Variants in DOCK9 observed in about 807,000 individuals in gnomAD.
DOCK9 encodes dedicator of cytokinesis 9, also known as dedicator of cytokinesis protein 9.
Under a neutral mutation model 263.3 loss-of-function variants are expected in DOCK9, and 89 were observed. The observed-to-expected ratio is 0.34, with a 90% CI of 0.28 to 0.40. The LOEUF is 0.40. DOCK9 is among the 10% of genes least tolerant of loss of function. The pLI is 1.00. For missense variants in DOCK9, 2,140 were observed against 2,603.4 expected (o/e 0.82, Z 3.87); for synonymous variants, 976 against 973.1 (o/e 1.00, Z -0.06).
intron 1 of DOCK9, among the ~76,000 whole-genome samples, chr13:99,049,512 T>A (rs1382019077): frequency 2.0e-5 from 3 of 152,134 alleles, no homozygotes; most frequent in Admixed American, 2.0e-4. Context: ...AGGCTACTGA[T>A]GTAACAGCTG....
At chr13:99,053,560 A>C (rs1331728615) in intron 1 of DOCK9, among the ~76,000 whole-genome samples, 1 of 152,224 alleles carries the variant, frequency 6.6e-6, no homozygotes, top group Non-Finnish European at 1.5e-5. Flanking sequence ...ACCTGGTTTT[A>C]TTTAAAGCCA....
intron 1 of DOCK9, among the ~76,000 whole-genome samples, chr13:99,048,108 T>G (rs1030528266): frequency 6.6e-6 from 1 of 152,254 alleles, no homozygotes; most frequent in Non-Finnish European, 1.5e-5. Flanking sequence ...TGAGAACATA[T>G]TCCATTGTAT....
chr13:98,912,529 A>G (rs1008266967), intron 9 of DOCK9, among the ~76,000 whole-genome samples: 1 of 152,162 alleles, frequency 6.6e-6, no homozygotes, highest in African/African-American at 2.4e-5. Flanking sequence ...CATAGTTTAA[A>G]AATAGTTCCA....
At chr13:98,962,230 C>T (rs183732760) in intron 1 of DOCK9, among the ~76,000 whole-genome samples, 8 of 152,268 alleles carry the variant, frequency 5.3e-5, no homozygotes, top group African/African-American at 1.9e-4. Flanking sequence ...GGAGGTGTAT[C>T]TAGAGGTTCA....
intron 47 of DOCK9, chr13:98,808,774 T>C: frequency 2.5e-6 from 2 of 793,350 alleles, no homozygotes; most frequent in South Asian, 3.5e-5. Context: ...ATTTATACCA[T>C]TTAATAATGT....
At chr13:98,794,796 T>C (rs1056572255) in intron 52 of DOCK9, 48 bp from the exon 53 acceptor site, 4 of 1,602,248 alleles carry the variant, frequency 2.5e-6, no homozygotes, top group African/African-American at 1.3e-5. Context: ...AAGGTTACCA[T>C]ATGCAATGCC....
Position 98,809,277 on chromosome 13 carries a change from AGTTTTTTTTTT to A in DOCK9, c.5367+64_5367+74del, listed in dbSNP as rs766407577. 276 of 1,281,852 alleles carry A rather than the reference AGTTTTTTTTTT, an allele frequency of 2.2e-4. No individual in the cohort carries two copies. In the Middle Eastern group the frequency reaches 3.6e-3, roughly 17 times the overall value. 79.4% of individuals were successfully genotyped at this position (1,281,852 alleles called of 1,614,324 possible). A position where few individuals can be genotyped will look rare whatever the true frequency, so the allele number is the denominator to read the frequency against. On this transcript the variant is annotated intron_variant, in intron 47 of 52. Coordinates refer to ENST00000682017, the MANE Select transcript of DOCK9 (RefSeq NM_001366683.2). ...AATTTATAAGATATAACTTTATTAT[AGTTTTTTTTTT>A]GTTTTTGTTTTTGTTTTTTTTTAAA...
intron 48 of DOCK9, among the ~76,000 whole-genome samples, chr13:98,805,988 G>C (rs900724081): frequency 6.6e-6 from 1 of 152,136 alleles, no homozygotes; most frequent in Non-Finnish European, 1.5e-5. Context: ...TCGAACTCCC[G>C]ACCTCAGGTG....
intron 39 of DOCK9, among the ~76,000 whole-genome samples, chr13:98,836,156 C>A (rs1245010922): frequency 6.6e-6 from 1 of 152,150 alleles, no homozygotes; most frequent in Non-Finnish European, 1.5e-5. Flanking sequence ...TGCACTTGTG[C>A]CCCGTGTGCC....
intron 1 of DOCK9, among the ~76,000 whole-genome samples, chr13:99,003,696 ACT>A (rs776551348): frequency 8.6e-5 from 13 of 151,454 alleles, no homozygotes; most frequent in South Asian, 2.1e-4. Flanking sequence ...CTCATTTAAC[ACT>A]CTCTTAAATC....
chr13:98,815,257 T>C (rs1474761417), intron 45 of DOCK9, among the ~76,000 whole-genome samples: 1 of 152,128 alleles, frequency 6.6e-6, no homozygotes, highest in Non-Finnish European at 1.5e-5. Flanking sequence ...AGTGGTGTTG[T>C]GGGACTGCAG....
chr13:98,922,242 C>T, intron 5 of DOCK9, 96 bp from the exon 6 acceptor site: 1 of 843,964 alleles, frequency 1.2e-6, no homozygotes, highest in Non-Finnish European at 1.9e-6. Flanking sequence ...CCCTTTGTGC[C>T]AAGTTGTCCA....
chr13:98,819,188 G>T (rs907311022), intron 45 of DOCK9, among the ~76,000 whole-genome samples: 1 of 152,144 alleles, frequency 6.6e-6, no homozygotes, highest in Non-Finnish European at 1.5e-5. Context: ...TCTGGGTTTG[G>T]GGGGTAAGGA....
upstream of DOCK9, among the ~76,000 whole-genome samples, chr13:99,087,103 T>C (rs748259139): frequency 9.1e-4 from 132 of 144,308 alleles, no homozygotes; most frequent in Non-Finnish European, 1.5e-3. Context: ...AAGTAGCCTT[T>C]ATTTATGTGG....
rs1048311427 is a variant in DOCK9, at chr13:98,883,678, ACTTT to A, written c.2469+131_2469+134del. On this transcript the variant is annotated intron_variant, in intron 22 of 52. Coordinates refer to ENST00000682017, the MANE Select transcript of DOCK9 (RefSeq NM_001366683.2). ...GAATACATATAAGCACTTCAGTTGTACTTTCTTTCTTTAGAAAAAGATCTATAGA... is the reference window on the plus strand; with the variant it reads ...GAATACATATAAGCACTTCAGTTGTACTTTCTTTAGAAAAAGATCTATAGA... The A allele has an allele frequency of 1.7e-5, 10 of 574,722 alleles. No homozygotes were observed. In the East Asian group the frequency reaches 2.6e-4, roughly 15 times the overall value. 35.6% of individuals were successfully genotyped at this position (574,722 alleles called of 1,614,324 possible).
chr13:98,799,056 C>T (rs1594098339), intron 50 of DOCK9, among the ~76,000 whole-genome samples: 1 of 152,140 alleles, frequency 6.6e-6, no homozygotes, highest in Non-Finnish European at 1.5e-5. Context: ...CATAATCACT[C>T]ATGTTGCTGG....
chr13:99,010,266 C>G (rs140914999), intron 1 of DOCK9, among the ~76,000 whole-genome samples: 2 of 152,246 alleles, frequency 1.3e-5, no homozygotes, highest in Non-Finnish European at 2.9e-5. Context: ...AATTCTTCCA[C>G]AGCTACTTGA....
chr13:99,012,148 TGCCTC>T (rs1251959694), intron 1 of DOCK9, among the ~76,000 whole-genome samples: 1 of 152,180 alleles, frequency 6.6e-6, no homozygotes, highest in Non-Finnish European at 1.5e-5. Context: ...CATACTACAG[TGCCTC>T]TTGCCATTCC....
At chr13:99,045,323 T>C (rs893611493) in intron 1 of DOCK9, among the ~76,000 whole-genome samples, 1 of 152,142 alleles carries the variant, frequency 6.6e-6, no homozygotes, top group African/African-American at 2.4e-5. Flanking sequence ...CAATGAAATA[T>C]CATTCAGGCG....
Sources: allele counts gnomAD v4.1 joint callset (sites outside exome capture counted in the v4.1 genomes callset), GRCh38; gene constraint gnomAD v4.1.1; transcripts MANE v1.5; gene names NCBI Gene and HGNC (gene_info 2026-07-23, HGNC 2026-07-21).